The following PZP variants were observed in gnomAD, a reference collection of about 807,000 sequenced individuals.
The protein encoded by PZP is pregnancy zone protein.
PZP carries 150 observed loss-of-function variants against 179.8 expected under a neutral mutation model. That is an observed-to-expected ratio of 0.83 (90% CI 0.73 to 0.96). The LOEUF is 0.96. Among genes scored for constraint, PZP ranks in the 40% least tolerant of loss-of-function variants. PZP has a pLI of 0.00. For synonymous variants in PZP, 624 were observed against 652.3 expected (o/e 0.96, Z 0.66); for missense variants, 1,689 against 1,764.0 (o/e 0.96, Z 0.76).
At chr12:9,162,420 G>A (rs957023561) in intron 22 of PZP, 177 bp downstream of exon 22, 2 of 580,586 alleles carry the variant, frequency 3.4e-6, no homozygotes, top group Non-Finnish European at 6.1e-6. Flanking sequence ...ACATTAACTT[G>A]CTCTCTTGGG....
chr12:9,205,002 CA>C (rs1462914564), intron 1 of PZP, among the ~76,000 whole-genome samples: 1 of 151,818 alleles, frequency 6.6e-6, no homozygotes, highest in East Asian at 1.9e-4. Context: ...GAGGCTGAGG[CA>C]AGAAGGATCA....
intron 35 of PZP, 54 bp from the exon 36 acceptor site, chr12:9,149,048 A>T: frequency 6.6e-7 from 1 of 1,517,850 alleles, no homozygotes; most frequent in South Asian, 1.1e-5. Context: ...AGGAGCATTC[A>T]GTTGAGTGTG....
In PZP at chr12:9,181,120, A is replaced by T; in HGVS notation, c.1702T>A (p.Phe568Ile). ...NCLANKVDLS[F>I]SPAQSPPASH... ...GCTGGGGGACTTTGTGCTGGGCTGA[A>T]GCTCAAATCCACCTGTGGGAAATGA... is the stretch of plus-strand genomic sequence containing the variant. The change falls in exon 15 of 36, where the codon TTC (phenylalanine) becomes ATC (isoleucine). Residue 568 changes from phenylalanine (F) to isoleucine (I), a missense_variant. Phe to Ile is a conservative substitution (Grantham distance 21, BLOSUM62 0). This residue lies in a region of PZP where 742 missense variants were observed against 730.5 expected (regional missense o/e 1.02). Coordinates refer to ENST00000261336, the MANE Select transcript of PZP (RefSeq NM_002864.3). 6.2e-7 allele frequency: 1 copy of T among 1,614,096 alleles called. No individual in the cohort carries two copies. The highest frequency in any genetic ancestry group is 8.5e-7 in the Non-Finnish European group (1 of 1,179,988).
Position 9,163,744 on chromosome 12 carries a change from T to G in PZP, c.2660A>C (p.Glu887Ala), listed in dbSNP as rs754971125. The change falls in exon 21 of 36, where the codon GAA becomes GCA. Residue 887 changes from glutamate (E) to alanine (A), a missense_variant. Glu to Ala is a moderately radical substitution (Grantham distance 107). Coordinates refer to ENST00000261336, the MANE Select transcript of PZP (RefSeq NM_002864.3). The stretch of plus-strand genomic sequence containing the variant: ...CTCAACAACCTCATTTCCACAGAGT[T>G]CTAAGGACTGCATTGCCTCTGCACT... Reference protein sequence around the residue: ...SVSAEAMQSLELCGNEVVEVP... With the variant: ...SVSAEAMQSLALCGNEVVEVP... 29 of 1,613,866 alleles carry G rather than the reference T, an allele frequency of 1.8e-5. No homozygotes were observed. Among genetic ancestry groups the G allele is most frequent in the Middle Eastern group, 1.6e-4 (1 of 6,084 alleles).
In PZP at chr12:9,154,626, G is replaced by A. The variant is rs930664497; in HGVS notation, c.3764C>T (p.Ser1255Phe). The A allele has an allele frequency of 1.4e-5, 22 of 1,614,016 alleles. No individual in the cohort carries two copies. In the African/African-American group the frequency reaches 1.5e-4, roughly 11 times the overall value. Residue 1255 changes from serine (S) to phenylalanine (F), a missense_variant, in exon 29 of 36, where the codon TCC (serine) becomes TTC (phenylalanine). By Grantham distance (155) the Ser-to-Phe change is radical. Coordinates refer to ENST00000261336, the MANE Select transcript of PZP (RefSeq NM_002864.3). ...MKQQNAQGGF[S>F]STQDTVVALH... is the part of the protein sequence containing the mutation. The stretch of plus-strand genomic sequence containing the variant: ...TTGGGAACCACTGACCTGGGTGGAG[G>A]AGAAACCACCTTGGGCGTTCTGCTG...
the PZP span, among the ~76,000 whole-genome samples, chr12:9,139,812 T>A: frequency 1.3e-5 from 2 of 151,422 alleles, no homozygotes; most frequent in Admixed American, 6.6e-5. Context: ...AAAGACAGGT[T>A]TATTTTGGAG....
chr12:9,154,532 T>C, intron 29 of PZP, 84 bp downstream of exon 29: 2 of 1,268,956 alleles, frequency 1.6e-6, no homozygotes, highest in South Asian at 1.4e-5. Context: ...ATAATTGCCT[T>C]CTCTTTTCCA....
chr12:9,152,100 G>A, intron 32 of PZP, 120 bp downstream of exon 32: 4 of 794,646 alleles, frequency 5.0e-6, no homozygotes, highest in Non-Finnish European at 4.3e-6. Context: ...TCCTGGGTTT[G>A]GGAAAAATAT....
At chr12:9,137,124 G>T in the PZP span, among the ~76,000 whole-genome samples, 1 of 152,100 alleles carries the variant, frequency 6.6e-6, no homozygotes, top group African/African-American at 2.4e-5. Context: ...CATAAAGCAT[G>T]TCTTTTATTT....
chr12:9,182,171 T>TAAGTGAGAC, intron 13 of PZP, 54 bp from the exon 14 acceptor site: 3 of 1,542,816 alleles, frequency 1.9e-6, no homozygotes, highest in South Asian at 1.2e-5. Flanking sequence ...AAAAAGGTCA[T>TAAGTGAGAC]AAAAATAGTG....
chr12:9,175,096 A>C (rs1942272679), intron 15 of PZP, among the ~76,000 whole-genome samples: 1 of 152,220 alleles, frequency 6.6e-6, no homozygotes, highest in Non-Finnish European at 1.5e-5. Flanking sequence ...ACAGCATGGT[A>C]CTGATAAAGA....
intron 17 of PZP, among the ~76,000 whole-genome samples, chr12:9,167,998 G>A (rs1401409874): frequency 6.6e-6 from 1 of 152,060 alleles, no homozygotes; most frequent in Admixed American, 6.6e-5. Flanking sequence ...ACAGTCCATG[G>A]CCCTTTAAAA....
chr12:9,182,018 C>T lies in PZP; in HGVS notation c.1646G>A (p.Gly549Glu), dbSNP rs1942794073. Residue 549 changes from glycine to glutamate, a missense_variant, in exon 14 of 36, where the codon GGA becomes GAA. Physicochemically the swap from Gly to Glu is moderately conservative, Grantham distance 98 (BLOSUM62 -2). Coordinates refer to ENST00000261336, the MANE Select transcript of PZP (RefSeq NM_002864.3). The stretch of plus-strand genomic sequence containing the variant: ...TTCAATCTCAAATTTTTCAGAGTCT[C>T]CAACAACTTCTCCATCTGGTAAAAT... ...FAILPDGEVV[G>E]DSEKFEIENC... The T allele has an allele frequency of 6.2e-7, 1 of 1,613,764 alleles. No individual in the cohort carries two copies. Among genetic ancestry groups the T allele is most frequent in the Non-Finnish European group, 8.5e-7 (1 of 1,179,900 alleles).
chr12:9,154,895 G>A, intron 28 of PZP, 56 bp from the exon 29 acceptor site: 1 of 1,473,564 alleles, frequency 6.8e-7, no homozygotes, highest in East Asian at 2.4e-5. Flanking sequence ...ATTATAACTG[G>A]TAGATAAGAG....
intron 6 of PZP, 91 bp downstream of exon 6, chr12:9,200,801 C>T: frequency 7.3e-7 from 1 of 1,362,816 alleles, no homozygotes; most frequent in African/African-American, 1.4e-5. Flanking sequence ...ACTGCAAGTT[C>T]AACATATCTA....
intron 16 of PZP, 82 bp from the exon 17 acceptor site, chr12:9,169,056 T>G: frequency 2.1e-6 from 2 of 960,722 alleles, no homozygotes; most frequent in Non-Finnish European, 3.3e-6. Flanking sequence ...CTTCTCTATG[T>G]AATTCCAGTA....
Position 9,192,194 on chromosome 12 carries a change from G to A in PZP, c.1545C>T (p.Asp515=), listed in dbSNP as rs752463908. The part of the protein sequence containing the change: ...GTHTLPVESG[D]MKGSFALSFP... Reference sequence around the variant, plus strand: ...AGAGATGAATCTGAGGATACTCACTGTCTCCTGACTCCACAGGCAGAGTGT... The same window carrying A: ...AGAGATGAATCTGAGGATACTCACTATCTCCTGACTCCACAGGCAGAGTGT... The change falls in exon 13 of 36, where the codon GAC becomes GAT. Residue 515 remains aspartate (D), a splice_region_variant and synonymous_variant. Transcript: ENST00000261336. The A allele has an allele frequency of 1.2e-6, 2 of 1,612,414 alleles. No individual in the cohort carries two copies. Among genetic ancestry groups the A allele is most frequent in the South Asian group, 1.1e-5 (1 of 91,040 alleles).
At chr12:9,160,758 C>CA (rs781375498) in intron 23 of PZP, among the ~76,000 whole-genome samples, 3 of 151,846 alleles carry the variant, frequency 2.0e-5, no homozygotes, top group Non-Finnish European at 4.4e-5. Flanking sequence ...ACTAAAAATA[C>CA]AAAAAAATTA....
chr12:9,149,922 C>T lies in PZP; in HGVS notation c.4385-320G>A, dbSNP rs965742019. 6.2e-4 allele frequency among the ~76,000 whole-genome samples: 95 copies of T among 152,142 alleles called. 1 individual carries two copies. Among genetic ancestry groups the T allele is most frequent in the Admixed American group, 4.7e-3 (72 of 15,276 alleles). ...TCTATTCACTTTGTTCAGCTTGCTC[C>T]CTTAATTACTTTTCAAAGATTATTG... On this transcript the variant is annotated intron_variant, in intron 34 of 35. Coordinates refer to ENST00000261336, the MANE Select transcript of PZP (RefSeq NM_002864.3).
Sources: gnomAD v4.1 joint callset for allele counts (sites outside exome capture counted in the v4.1 genomes callset) on GRCh38, gnomAD v4.1.1 for gene constraint, gnomAD v4.1.1 regional missense constraint, MANE v1.5 for transcripts, NCBI Gene and HGNC (gene_info 2026-07-23, HGNC 2026-07-21) for gene names.